SECISBP2: variants seen among roughly 807,000 people sequenced by gnomAD.
SECISBP2 encodes the protein SECIS binding protein 2.
SECISBP2 carries 96 observed loss-of-function variants against 98.2 expected under a neutral mutation model. The ratio of observed to expected loss-of-function variants is 0.98; its 90% CI spans 0.83 to 1.16. The LOEUF (loss-of-function observed/expected upper bound fraction) is 1.16. SECISBP2 is among the 50% of genes most tolerant of loss of function. The probability of loss-of-function intolerance (pLI) is 0.00; values close to 1 mark genes in which losing one functional copy is unlikely to be tolerated. For synonymous variants in SECISBP2, 407 were observed against 370.2 expected (o/e 1.10, Z -1.14); for missense variants, 1,046 against 1,022.9 (o/e 1.02, Z -0.31).
At chr9:89,320,837 G>T (rs1289990942) in intron 2 of SECISBP2, among the ~76,000 whole-genome samples, 1 of 151,942 alleles carries the variant, frequency 6.6e-6, no homozygotes, top group Non-Finnish European at 1.5e-5. Context: ...TTTAAGATTT[G>T]CATCAGGTGT....
At position 89,336,766 on chromosome 9, in the gene SECISBP2, C is replaced by CTTTTT. The variant is rs1167993596; in HGVS notation, c.1090-1673_1090-1669dup. On this transcript the variant is annotated intron_variant, in intron 7 of 16. Transcript: ENST00000375807. ...CTGGACAACAGCCCACTGTCTAATT[C>CTTTTT]TTTTTTTTTTTTTTTTTTTTTTTGA... Among the ~76,000 whole-genome samples, 30 of 75,196 alleles carry CTTTTT rather than the reference C, an allele frequency of 4.0e-4. 1 individual carries two copies. Among genetic ancestry groups the CTTTTT allele is most frequent in the South Asian group, 1.2e-3 (2 of 1,726 alleles). 49.3% of individuals were successfully genotyped at this position (75,196 alleles called of 152,430 possible).
intron 14 of SECISBP2, chr9:89,355,360 G>A: frequency 2.0e-6 from 2 of 985,430 alleles, no homozygotes; most frequent in South Asian, 9.4e-5. Flanking sequence ...AGAGACCACT[G>A]TGTTCCCTCC....
chr9:89,318,704 C>T (rs1250192307), intron 1 of SECISBP2, 92 bp downstream of exon 1: 3 of 1,295,980 alleles, frequency 2.3e-6, no homozygotes, highest in Non-Finnish European at 3.0e-6. Flanking sequence ...GCTGGTCCAG[C>T]GGGCGTGGGT....
In SECISBP2 at chr9:89,348,145, A is replaced by ACC; in HGVS notation, c.1670_1671dup (p.Ser558ProfsTer31). On this transcript the variant is annotated frameshift_variant, in exon 12 of 17. Transcript: ENST00000375807. LOFTEE classifies it high-confidence loss of function. ...AGAAAATGCTGTGAGTCCAGCTTTT[A>ACC]CCAGTGATGACACACAAGATGGAGA... 6.2e-7 allele frequency: 1 copy of ACC among 1,614,112 alleles called. No homozygotes were observed. The highest frequency in any genetic ancestry group is 8.5e-7 in the Non-Finnish European group (1 of 1,179,920).
intron 2 of SECISBP2, chr9:89,323,228 A>G (rs1365402411): frequency 6.6e-6 from 1 of 152,270 alleles, no homozygotes; most frequent in Non-Finnish European, 1.5e-5. Flanking sequence ...GGAAAAAGTG[A>G]AATAGTAAGT....
chr9:89,345,197 T>A (rs990132748), intron 10 of SECISBP2, among the ~76,000 whole-genome samples: 9 of 152,226 alleles, frequency 5.9e-5, no homozygotes, highest in African/African-American at 2.2e-4. Flanking sequence ...AAGTCCCCAC[T>A]GGCCTGGCCC....
intron 10 of SECISBP2, among the ~76,000 whole-genome samples, chr9:89,342,977 A>G (rs1404440021): frequency 6.6e-6 from 1 of 152,264 alleles, no homozygotes; most frequent in South Asian, 2.1e-4. Flanking sequence ...ATTTTTAAAA[A>G]TTGATCTTAT....
Position 89,319,700 on chromosome 9 carries a change from G to T in SECISBP2, c.85G>T (p.Gly29Trp), listed in dbSNP as rs749223498. Residue 29 changes from glycine to tryptophan, a missense_variant, in exon 2 of 17, where the codon GGG (glycine) becomes TGG (tryptophan). Physicochemically the swap from Gly to Trp is radical, Grantham distance 184. Coordinates refer to ENST00000375807, the MANE Select transcript of SECISBP2 (RefSeq NM_024077.5). ...CAAACCATTTGTCCCCAGATTTGCCGGGCTCAATGTGGCATGGTTAGAGTC... is the reference window on the plus strand; with the variant it reads ...CAAACCATTTGTCCCCAGATTTGCCTGGCTCAATGTGGCATGGTTAGAGTC... ...DVKPFVPRFA[G>W]LNVAWLESSE... The T allele has an allele frequency of 6.8e-6, 11 of 1,614,116 alleles. No individual in the cohort carries two copies. The highest frequency in any genetic ancestry group is 9.3e-6 in the Non-Finnish European group (11 of 1,180,008).
the SECISBP2 span, among the ~76,000 whole-genome samples, chr9:89,366,222 G>A: frequency 1.3e-5 from 2 of 152,240 alleles, no homozygotes; most frequent in African/African-American, 2.4e-5. Flanking sequence ...ATGTGTGAAC[G>A]TAGATAGTCA....
At position 89,325,975 on chromosome 9, in the gene SECISBP2, G is replaced by T; in HGVS notation, c.511G>T (p.Glu171Ter). The stretch of plus-strand genomic sequence containing the variant: ...AAGGGCTGATGGAACTATATCATCT[G>T]AGATAAAATCAGCTAGAGGTTCACA... Reference protein sequence around the residue: ...SERADGTISSEIKSARGSHHL... With the variant: ...SERADGTISS Residue 171 changes from glutamate to a stop codon, truncating the protein, a stop_gained, in exon 4 of 17, where the codon GAG (glutamate) becomes TAG (stop). Coordinates refer to ENST00000375807, the MANE Select transcript of SECISBP2 (RefSeq NM_024077.5). LOFTEE classifies it high-confidence loss of function. 6.2e-7 allele frequency: 1 copy of T among 1,614,036 alleles called. No individual in the cohort carries two copies. The highest frequency in any genetic ancestry group is 8.5e-7 in the Non-Finnish European group (1 of 1,179,994).
chr9:89,352,824 G>C (rs1831487025), intron 14 of SECISBP2, among the ~76,000 whole-genome samples: 1 of 149,522 alleles, frequency 6.7e-6, no homozygotes, highest in South Asian at 2.1e-4. Context: ...AGCTGTTTTT[G>C]TCCTCTGAAG....
At chr9:89,362,871 T>C (rs948949246), downstream of SECISBP2, among the ~76,000 whole-genome samples, 1 of 152,176 alleles carries the variant, frequency 6.6e-6, no homozygotes, top group Non-Finnish European at 1.5e-5. Context: ...ATCGGCTATT[T>C]AGGAGCCGGG....
intron 2 of SECISBP2, among the ~76,000 whole-genome samples, chr9:89,321,887 T>C (rs1426440817): frequency 6.6e-6 from 1 of 152,202 alleles, no homozygotes; most frequent in African/African-American, 2.4e-5. Flanking sequence ...AAAAATTGCA[T>C]TGCCATAGTC....
At chr9:89,348,793 A>G (rs1054019287) in intron 12 of SECISBP2, among the ~76,000 whole-genome samples, 3 of 152,254 alleles carry the variant, frequency 2.0e-5, no homozygotes, top group Non-Finnish European at 4.4e-5. Flanking sequence ...CTCTAGTGCA[A>G]CTGTGTGTTA....
At chr9:89,347,086 A>G in intron 11 of SECISBP2, 38 bp downstream of exon 11, 1 of 1,602,350 alleles carries the variant, frequency 6.2e-7, no homozygotes, top group Non-Finnish European at 8.5e-7. Flanking sequence ...GGCACTAGAA[A>G]ACTTAGTCTC....
At chr9:89,337,084 T>G (rs1422632200) in intron 7 of SECISBP2, among the ~76,000 whole-genome samples, 1 of 152,202 alleles carries the variant, frequency 6.6e-6, no homozygotes, top group Admixed American at 6.5e-5. Flanking sequence ...CCCCACTGTC[T>G]AATTCTTTGT....
At chr9:89,339,485 A>G (rs571871331) in intron 8 of SECISBP2, among the ~76,000 whole-genome samples, 1 of 152,190 alleles carries the variant, frequency 6.6e-6, no homozygotes, top group Non-Finnish European at 1.5e-5. Context: ...GGCTCCATTT[A>G]TTAGCCTGGG....
At position 89,328,680 on chromosome 9, in the gene SECISBP2, G is replaced by C; in HGVS notation, c.595G>C (p.Asp199His). 8 of 1,614,012 alleles carry C rather than the reference G, an allele frequency of 5.0e-6. No homozygotes were observed. Among genetic ancestry groups the C allele is most frequent in the Non-Finnish European group, 6.8e-6 (8 of 1,179,872 alleles). Reference protein sequence around the residue: ...LKSDGYHKRTDRKSRIIAKNV... With the variant: ...LKSDGYHKRTHRKSRIIAKNV... ...TACAGATGGTTACCATAAGCGAACA[G>C]ACAGGAAATCCAGAATCATTGCAAA... The change falls in exon 5 of 17, where the codon GAC (aspartate) becomes CAC (histidine). Residue 199 changes from aspartate (D) to histidine (H), a missense_variant. By Grantham distance (81) the Asp-to-His change is moderately conservative. Transcript: ENST00000375807.
chr9:89,322,531 G>A (rs1014201517), intron 2 of SECISBP2: 1 of 152,232 alleles, frequency 6.6e-6, no homozygotes, highest in African/African-American at 2.4e-5. Context: ...AATTCAAATA[G>A]GTAGCACCAG....
Sources: allele counts gnomAD v4.1 joint callset (sites outside exome capture counted in the v4.1 genomes callset), GRCh38; gene constraint gnomAD v4.1.1; transcripts MANE v1.5; gene names NCBI Gene and HGNC (gene_info 2026-07-23, HGNC 2026-07-21).